Variants in FN1 observed in about 807,000 individuals in gnomAD.
The protein encoded by FN1 is fibronectin.
A neutral mutation model predicts 297.3 loss-of-function variants in FN1; 106 were observed. That is an observed-to-expected ratio of 0.36 (90% CI 0.30 to 0.42). FN1 has a LOEUF of 0.42. Ranked by LOEUF, FN1 falls within the 10% of genes least tolerant of loss-of-function variation. The probability of loss-of-function intolerance (pLI) is 1.00; values close to 1 mark genes in which losing one functional copy is unlikely to be tolerated. For synonymous variants in FN1, 1,149 were observed against 1,152.6 expected (o/e 1.00, Z 0.06); for missense variants, 2,690 against 3,124.9 (o/e 0.86, Z 3.32).
chr2:215,434,326 A>G (rs1005625078), intron 2 of FN1, among the ~76,000 whole-genome samples: 4 of 152,208 alleles, frequency 2.6e-5, no homozygotes, highest in Non-Finnish European at 5.9e-5. Flanking sequence ...TTACGATGTA[A>G]GTCCCCAAAG....
intron 12 of FN1, 130 bp from the exon 13 acceptor site, chr2:215,415,088 G>A (rs1314023157): frequency 3.1e-6 from 2 of 655,436 alleles, no homozygotes; most frequent in East Asian, 2.8e-5. Flanking sequence ...AAAATTATCT[G>A]GCATTAATCT....
intron 2 of FN1, among the ~76,000 whole-genome samples, chr2:215,434,262 T>A (rs1377301385): frequency 6.6e-6 from 1 of 152,222 alleles, no homozygotes; most frequent in East Asian, 1.9e-4. Flanking sequence ...CCTAAAGGAA[T>A]GAGAACTTTG....
At chr2:215,379,024 G>T in intron 34 of FN1, 106 bp downstream of exon 34, 2 of 1,049,074 alleles carry the variant, frequency 1.9e-6, no homozygotes, top group East Asian at 2.4e-5. Context: ...TTGATGCAGA[G>T]GAAAAGAACA....
chr2:215,375,453 A>G, intron 37 of FN1, 60 bp from the exon 38 acceptor site: 1 of 1,505,834 alleles, frequency 6.6e-7, no homozygotes, highest in Non-Finnish European at 9.1e-7. Context: ...TTACTCCCAC[A>G]CTTTTCTCCC....
At position 215,428,223 on chromosome 2, in the gene FN1, C is replaced by A; in HGVS notation, c.801G>T (p.Glu267Asp). The A allele has an allele frequency of 6.2e-7, 1 of 1,614,248 alleles. No individual in the cohort carries two copies. The highest frequency in any genetic ancestry group is 8.5e-7 in the Non-Finnish European group (1 of 1,180,050). Residue 267 changes from glutamate (E) to aspartate (D), a missense_variant, in exon 6 of 46, where the codon GAG becomes GAT. Physicochemically the swap from Glu to Asp is conservative, Grantham distance 45. Coordinates refer to ENST00000354785, the MANE Select transcript of FN1 (RefSeq NM_212482.4). ...QCICTGNGRG[E>D]WKCERHTSVQ... ...CAGAGGTGTGCCTCTCACACTTCCA[C>A]TCTCCTCGGCCGTTGCCTGTGCAGA...
intron 27 of FN1, among the ~76,000 whole-genome samples, chr2:215,387,263 A>G (rs1294715890): frequency 6.6e-6 from 1 of 152,220 alleles, no homozygotes; most frequent in East Asian, 1.9e-4. Flanking sequence ...TTTGGAGATA[A>G]GTGTTCAAGA....
rs553248414 is a variant in FN1 at position 215,399,534 on chromosome 2, A to G, written c.3254-183T>C. Among the ~76,000 whole-genome samples, 15 of 152,292 alleles carry G rather than the reference A, an allele frequency of 9.8e-5. No homozygotes were observed. In the East Asian group the frequency reaches 2.7e-3, roughly 27 times the overall value. On this transcript the variant is annotated intron_variant, in intron 20 of 45. Coordinates refer to ENST00000354785, the MANE Select transcript of FN1 (RefSeq NM_212482.4). The stretch of plus-strand genomic sequence containing the variant: ...CAGGCTTCTCAATCTTTAATGTGCC[A>G]CACACATCATCTGGGGTCTGGCTAA...
Position 215,382,221 on chromosome 2 carries a change from C to G in FN1, c.5155G>C (p.Ala1719Pro), listed in dbSNP as rs1034745641. The G allele has an allele frequency of 6.2e-7, 1 of 1,609,798 alleles. No individual in the cohort carries two copies. ...AGCAGTGGTTACGTACTGGTTACTG[C>G]AGTCTGAACCAGAGGCTGACTCTCT... ...SGESQPLVQT[A>P]VTNIDRPKGL... is the part of the protein sequence containing the mutation. The change falls in exon 32 of 46, where the codon GCA becomes CCA. Residue 1719 changes from alanine (A) to proline (P), a missense_variant. Around this residue, in one of 3 missense-constraint regions of FN1, gnomAD observed 1,743 missense variants for 1,945.2 expected, o/e 0.90. Coordinates refer to ENST00000354785, the MANE Select transcript of FN1 (RefSeq NM_212482.4).
intron 18 of FN1, 98 bp from the exon 19 acceptor site, chr2:215,406,608 T>C (rs1338635710): frequency 2.3e-6 from 3 of 1,293,116 alleles, no homozygotes; most frequent in East Asian, 2.5e-5. Flanking sequence ...ATTGAGCCTC[T>C]CATTCGAGAG....
In FN1 at chr2:215,377,087, T is replaced by A. The variant is rs1192052085; in HGVS notation, c.5711-413A>T. Among the ~76,000 whole-genome samples, 1,023 of 139,396 alleles carry A rather than the reference T, an allele frequency of 7.3e-3. 1 individual carries two copies. Among genetic ancestry groups the A allele is most frequent in the South Asian group, 0.02 (91 of 4,616 alleles). The allele number at this position is 139,396 out of a possible 152,430, so 91.4% of individuals were successfully genotyped here. A position where few individuals can be genotyped will look rare whatever the true frequency, so the allele number is the denominator to read the frequency against. ...GTGTGTGAGAGAGAGAGAGAGTGTG[T>A]GTGTGTGTGTGTGTGTGTGTGTGTC... On this transcript the variant is annotated intron_variant, in intron 35 of 45. Coordinates refer to ENST00000354785, the MANE Select transcript of FN1 (RefSeq NM_212482.4).
chr2:215,424,962 C>G (rs1293562086), intron 7 of FN1, 132 bp downstream of exon 7: 1 of 846,280 alleles, frequency 1.2e-6, no homozygotes, highest in Non-Finnish European at 2.0e-6. Context: ...AATGCCAACC[C>G]TAATTGTTAT....
chr2:215,392,011 C>A (rs1056120821), intron 25 of FN1, 197 bp from the exon 26 acceptor site: 5 of 571,238 alleles, frequency 8.8e-6, no homozygotes, highest in African/African-American at 1.9e-5. Context: ...TACTGTTAGG[C>A]CCCCTTTAAC....
At chr2:215,363,321 T>C (rs946197153) in intron 44 of FN1, 9 of 152,170 alleles carry the variant, frequency 5.9e-5, no homozygotes, top group African/African-American at 1.9e-4. Flanking sequence ...CACAATTTCA[T>C]ACCAGAATGA....
In FN1 at chr2:215,375,363, A is replaced by G; in HGVS notation, c.6008T>C (p.Leu2003Pro). 6.2e-7 allele frequency: 1 copy of G among 1,614,042 alleles called. No homozygotes were observed. The highest frequency in any genetic ancestry group is 8.5e-7 in the Non-Finnish European group (1 of 1,180,018). The change falls in exon 38 of 46, where the codon CTG becomes CCG. Residue 2003 changes from leucine to proline, a missense_variant. Physicochemically the swap from Leu to Pro is moderately conservative, Grantham distance 98 (BLOSUM62 -3). Around this residue, in one of 3 missense-constraint regions of FN1, gnomAD observed 1,743 missense variants for 1,945.2 expected, o/e 0.90. Transcript: ENST00000354785. ...CAGCAAGGAATTGGGTGTGGTGGCC[A>G]GGAAACGCAGGTTGGATGGTGCATC... Reference protein sequence around the residue: ...AIDAPSNLRFLATTPNSLLVS... With the variant: ...AIDAPSNLRFPATTPNSLLVS...
At position 215,409,625 on chromosome 2, in the gene FN1, G is replaced by A. The variant is rs1575641213; in HGVS notation, c.2237C>T (p.Thr746Ile). Residue 746 changes from threonine (T) to isoleucine (I), a missense_variant, in exon 15 of 46, where the codon ACC becomes ATC. Physicochemically the swap from Thr to Ile is moderately conservative, Grantham distance 89 (BLOSUM62 -1). Coordinates refer to ENST00000354785, the MANE Select transcript of FN1 (RefSeq NM_212482.4). ...ATATTCCACCCGGAATCCCGACACGGTGTCGGAAGCTGAGACCCAGGAGAC... is the reference window on the plus strand; with the variant it reads ...ATATTCCACCCGGAATCCCGACACGATGTCGGAAGCTGAGACCCAGGAGAC... ...FVVSWVSASD[T>I]VSGFRVEYEL... 3 of 1,614,034 alleles carry A rather than the reference G, an allele frequency of 1.9e-6. No homozygotes were observed. The highest frequency in any genetic ancestry group is 2.5e-6 in the Non-Finnish European group (3 of 1,180,012).
rs768649623 is a variant in FN1 at position 215,372,129 on chromosome 2, C to T, written c.6494G>A (p.Arg2165Lys). Reference sequence around the variant, plus strand: ...CTCACCTACATTCGGCGGGTATGGTCTTGGCCTATGCCTTATGGGGGTGGC... The same window carrying T: ...CTCACCTACATTCGGCGGGTATGGTTTTGGCCTATGCCTTATGGGGGTGGC... Reference protein sequence around the residue: ...TTATPIRHRPRPYPPNVGEEI... With the variant: ...TTATPIRHRPKPYPPNVGEEI... The change falls in exon 40 of 46, where the codon AGA becomes AAA. Residue 2165 changes from arginine (R) to lysine (K), a missense_variant. Arg to Lys is a conservative substitution (Grantham distance 26). This residue lies in a region of FN1 where 1,743 missense variants were observed against 1,945.2 expected (regional missense o/e 0.90). Transcript: ENST00000354785. The T allele has an allele frequency of 1.6e-5, 26 of 1,614,092 alleles. No individual in the cohort carries two copies. In the South Asian group the frequency reaches 2.9e-4, roughly 18 times the overall value.
intron 44 of FN1, chr2:215,364,581 C>T (rs1447736045): frequency 4.2e-6 from 2 of 479,486 alleles, no homozygotes; most frequent in African/African-American, 3.9e-5. Context: ...GAAAATGATT[C>T]TAACATCATA....
rs2060694609 is a variant in FN1, at chr2:215,399,299, G to T, written c.3306C>A (p.Thr1102=). 4.3e-6 allele frequency: 7 copies of T among 1,614,026 alleles called. No homozygotes were observed. Among genetic ancestry groups the T allele is most frequent in the African/African-American group, 4.0e-5 (3 of 75,034 alleles). ...PPYNTEVTET[T]IVITWTPAPR... ...GAGCAGGCGTCCATGTGATCACAATGGTGGTCTCAGTCACCTCGGTGTTGT... is the reference window on the plus strand; with the variant it reads ...GAGCAGGCGTCCATGTGATCACAATTGTGGTCTCAGTCACCTCGGTGTTGT... Residue 1102 remains threonine (T), a synonymous_variant, in exon 21 of 46, where the codon ACC becomes ACA. Coordinates refer to ENST00000354785, the MANE Select transcript of FN1 (RefSeq NM_212482.4).
rs575284629 is a variant in FN1 at position 215,404,005 on chromosome 2, G to A, written c.3253+384C>T. 2.9e-3 allele frequency among the ~76,000 whole-genome samples: 439 copies of A among 152,186 alleles called. 1 individual carries two copies. The highest frequency in any genetic ancestry group is 3.5e-3 in the Non-Finnish European group (236 of 68,010). The stretch of plus-strand genomic sequence containing the variant: ...TTTGGTAAATTCATTTAATGTAATC[G>A]AATTTAATTTTTCTAATAACAGACT... On this transcript the variant is annotated intron_variant, in intron 20 of 45. Coordinates refer to ENST00000354785, the MANE Select transcript of FN1 (RefSeq NM_212482.4).
Sources: gnomAD v4.1 joint callset for allele counts (sites outside exome capture counted in the v4.1 genomes callset) on GRCh38, gnomAD v4.1.1 for gene constraint, gnomAD v4.1.1 regional missense constraint, MANE v1.5 for transcripts, NCBI Gene and HGNC (gene_info 2026-07-23, HGNC 2026-07-21) for gene names.